HSD17B2: variants seen among roughly 807,000 people sequenced by gnomAD.
HSD17B2 encodes 17-beta-hydroxysteroid dehydrogenase type 2.
In HSD17B2, 32 loss-of-function variants were observed where a neutral mutation model predicts 26.9. The ratio of observed to expected loss-of-function variants is 1.19; its 90% CI spans 0.90 to 1.60. The LOEUF is 1.60. HSD17B2 is among the 40% of genes most tolerant of loss of function. The probability of loss-of-function intolerance (pLI) is 0.00; values close to 1 mark genes in which losing one functional copy is unlikely to be tolerated. For missense variants in HSD17B2, 613 were observed against 468.6 expected (o/e 1.31, Z -2.85); for synonymous variants, 246 against 186.7 (o/e 1.32, Z -2.59).
chr16:82,089,252 C>G (rs1904615633), intron 3 of HSD17B2, among the ~76,000 whole-genome samples: 1 of 152,218 alleles, frequency 6.6e-6, no homozygotes, highest in Non-Finnish European at 1.5e-5. Flanking sequence ...GGCTCTCTCA[C>G]TGCCCATAAT....
In HSD17B2 at chr16:82,083,024, G is replaced by A. The variant is rs76824412; in HGVS notation, c.665-7878G>A. On this transcript the variant is annotated intron_variant, in intron 3 of 4. Coordinates refer to ENST00000199936, the MANE Select transcript of HSD17B2 (RefSeq NM_002153.3). ...ACCACATCAAACACTAAGTCAAAGG[G>A]TCTCAGATGCTCTTCCCAGTGGTAC... Among the ~76,000 whole-genome samples, 1,387 of 152,140 alleles carry A rather than the reference G, an allele frequency of 9.1e-3. 23 individuals are homozygous for A. The highest frequency in any genetic ancestry group is 0.032 in the African/African-American group (1,309 of 41,500).
chr16:82,095,102 T>G (rs1218357147), intron 4 of HSD17B2: 1 of 152,192 alleles, frequency 6.6e-6, no homozygotes, highest in African/African-American at 2.4e-5. Context: ...CTTTGGGGAC[T>G]CTGGATAGGT....
At chr16:82,060,168 C>T (rs989933818) in intron 1 of HSD17B2, among the ~76,000 whole-genome samples, 5 of 152,170 alleles carry the variant, frequency 3.3e-5, no homozygotes, top group African/African-American at 1.2e-4. Context: ...ATGAGGGTGG[C>T]AATCTGATGG....
intron 4 of HSD17B2, chr16:82,094,626 C>G (rs1904787271): frequency 6.6e-6 from 1 of 152,154 alleles, no homozygotes; most frequent in East Asian, 1.9e-4. Context: ...AGGCTGAGAA[C>G]TCATGTTTGG....
intron 3 of HSD17B2, chr16:82,090,222 G>C (rs1348493555): frequency 1.0e-6 from 1 of 977,164 alleles, no homozygotes; most frequent in African/African-American, 1.8e-5. Context: ...TGTTTACCAG[G>C]AACCTCAGAA....
intron 2 of HSD17B2, 48 bp downstream of exon 2, chr16:82,068,430 C>T: frequency 6.7e-7 from 1 of 1,493,826 alleles, no homozygotes; most frequent in South Asian, 1.2e-5. Context: ...CCTGAATGCC[C>T]AGCTCTTGTT....
chr16:82,084,352 C>G (rs1002911460), intron 3 of HSD17B2, among the ~76,000 whole-genome samples: 2 of 152,098 alleles, frequency 1.3e-5, no homozygotes, highest in African/African-American at 4.8e-5. Flanking sequence ...TGTGACACGT[C>G]TTCAGATATT....
intron 1 of HSD17B2, among the ~76,000 whole-genome samples, chr16:82,063,659 T>C (rs1179986954): frequency 6.6e-6 from 1 of 152,164 alleles, no homozygotes; most frequent in Admixed American, 6.5e-5. Context: ...AGGCAGTAAA[T>C]ATTTTGCTTT....
chr16:82,074,228 T>C (rs1256395285), intron 3 of HSD17B2, among the ~76,000 whole-genome samples: 1 of 152,226 alleles, frequency 6.6e-6, no homozygotes, highest in East Asian at 1.9e-4. Context: ...ATCTTGGATT[T>C]GTTTTTCCCC....
chr16:82,077,080 G>A (rs537234986), intron 3 of HSD17B2, among the ~76,000 whole-genome samples: 18 of 152,194 alleles, frequency 1.2e-4, no homozygotes, highest in African/African-American at 3.9e-4. Flanking sequence ...TTGTTAAAAC[G>A]TCCATACTAT....
In HSD17B2 at chr16:82,038,288, C is replaced by A. The variant is rs1204749059; in HGVS notation, c.265+2599C>A. Among the ~76,000 whole-genome samples the A allele has an allele frequency of 2.6e-5, 4 of 152,170 alleles. No individual in the cohort carries two copies. The South Asian group carries it at 8.3e-4, about 32-fold the overall frequency. On this transcript the variant is annotated intron_variant, in intron 1 of 4. Coordinates refer to ENST00000199936, the MANE Select transcript of HSD17B2 (RefSeq NM_002153.3). ...TGAATACATATTTGTCTTCAAGATA[C>A]CTGAAACCACAGAGGCCATTCAAAT...
rs942339150 is a variant in HSD17B2, at chr16:82,060,445, G to A, written c.266-7725G>A. Among the ~76,000 whole-genome samples, 10 of 152,286 alleles carry A rather than the reference G, an allele frequency of 6.6e-5. No homozygotes were observed. The Middle Eastern group carries it at 0.014, about 207-fold the overall frequency. On this transcript the variant is annotated intron_variant, in intron 1 of 4. Transcript: ENST00000199936. ...ATACCCCATCAGAGGGGGAGCCCCG[G>A]AGGTCCTCAGCCTCAGCTGATGGGT... is the stretch of plus-strand genomic sequence containing the variant.
chr16:82,067,875 C>T (rs1914608488), intron 1 of HSD17B2, among the ~76,000 whole-genome samples: 1 of 152,218 alleles, frequency 6.6e-6, no homozygotes, highest in African/African-American at 2.4e-5. Context: ...TTCCCAATTA[C>T]TTTGGCCACC....
chr16:82,062,177 T>C (rs1289633543), intron 1 of HSD17B2, among the ~76,000 whole-genome samples: 1 of 152,218 alleles, frequency 6.6e-6, no homozygotes, highest in Non-Finnish European at 1.5e-5. Context: ...GCACATAAAC[T>C]GAGTCTTTAT....
intron 1 of HSD17B2, among the ~76,000 whole-genome samples, chr16:82,039,447 A>C (rs1913711619): frequency 6.6e-6 from 1 of 152,110 alleles, no homozygotes. Flanking sequence ...GAACAAAAGA[A>C]AACGTTGACA....
chr16:82,071,036 G>C lies in HSD17B2; in HGVS notation c.573G>C (p.Val191=). Residue 191 remains valine (V), a synonymous_variant, in exon 3 of 5, where the codon GTG becomes GTC. Coordinates refer to ENST00000199936, the MANE Select transcript of HSD17B2 (RefSeq NM_002153.3). ...LMTDYKQCMA[V]NFFGTVEVTK... ...CTGACTACAAACAATGCATGGCCGT[G>C]AACTTCTTTGGAACTGTGGAGGTCA... 1 of 1,614,208 alleles carries C rather than the reference G, an allele frequency of 6.2e-7. No individual in the cohort carries two copies. The highest frequency in any genetic ancestry group is 8.5e-7 in the Non-Finnish European group (1 of 1,180,038).
At chr16:82,070,641 A>T (rs1567587207) in intron 2 of HSD17B2, among the ~76,000 whole-genome samples, 1 of 152,252 alleles carries the variant, frequency 6.6e-6, no homozygotes, top group Admixed American at 6.5e-5. Context: ...CTTTCAGGAT[A>T]ATGGCTCCTG....
At chr16:82,039,542 G>C (rs1215165270) in intron 1 of HSD17B2, among the ~76,000 whole-genome samples, 2 of 152,096 alleles carry the variant, frequency 1.3e-5, no homozygotes, top group African/African-American at 4.8e-5. Flanking sequence ...CAGAAGCAAA[G>C]GGGGAAGAAA....
chr16:82,070,771 C>A, intron 2 of HSD17B2, 171 bp from the exon 3 acceptor site: 1 of 602,074 alleles, frequency 1.7e-6, no homozygotes. Context: ...AATTCCCCTC[C>A]CACTCCCACT....
Sources: allele counts gnomAD v4.1 joint callset (sites outside exome capture counted in the v4.1 genomes callset), GRCh38; gene constraint gnomAD v4.1.1; transcripts MANE v1.5; gene names NCBI Gene and HGNC (gene_info 2026-07-23, HGNC 2026-07-21).